Variants in RNF212 observed in about 807,000 individuals in gnomAD.
The protein encoded by RNF212 is ring finger protein 212, also known as probable E3 SUMO-protein ligase RNF212.
Under a neutral mutation model 34.7 loss-of-function variants are expected in RNF212, and 33 were observed. The observed-to-expected ratio is 0.95, with a 90% CI of 0.72 to 1.27. The LOEUF (loss-of-function observed/expected upper bound fraction) is 1.27. Ranked by LOEUF, RNF212 falls within the 50% of genes most tolerant of loss-of-function variation. The pLI, the probability that RNF212 is intolerant of heterozygous loss-of-function variation, is 0.00. For missense variants in RNF212, 377 were observed against 362.2 expected (o/e 1.04, Z -0.33); for synonymous variants, 140 against 136.1 (o/e 1.03, Z -0.20).
intron 8 of RNF212, among the ~76,000 whole-genome samples, chr4:1,079,055 A>AGGACCAACATG (rs1719865271): frequency 6.6e-6 from 1 of 151,606 alleles, no homozygotes; most frequent in Non-Finnish European, 1.5e-5. Context: ...GAGTCAACAC[A>AGGACCAACATG]GGACCAACAT....
intron 5 of RNF212, 73 bp downstream of exon 5, chr4:1,085,823 G>A: frequency 1.0e-6 from 1 of 995,492 alleles, no homozygotes; most frequent in Non-Finnish European, 1.6e-6. Context: ...TCTTGATCTT[G>A]GAGAGCCAGA....
intron 3 of RNF212, among the ~76,000 whole-genome samples, chr4:1,060,848 T>C (rs4690214): frequency 0.81 from 123,458 of 152,214 alleles, 50,788 homozygotes; most frequent in African/African-American, 0.94. Flanking sequence ...AACGCACAGA[T>C]GGCCCGCCTG....
In RNF212 at chr4:1,065,906, T is replaced by C. The variant is rs571628536; in HGVS notation, n.148-7513A>G. Among the ~76,000 whole-genome samples, 5 of 147,578 alleles carry C rather than the reference T, an allele frequency of 3.4e-5. No individual in the cohort carries two copies. The East Asian group carries it at 9.7e-4, about 29-fold the overall frequency. On this transcript the variant is annotated intron_variant and non_coding_transcript_variant, in intron 3 of 4. Transcript: ENST00000503206. ...GTTTTTGTTTTTAAGAGACAGGATC[T>C]TACTCTGTCGTCCAGGCTGGAGTGC... is the stretch of plus-strand genomic sequence containing the variant.
intron 8 of RNF212, among the ~76,000 whole-genome samples, chr4:1,077,717 G>C (rs1196203810): frequency 6.6e-6 from 1 of 152,224 alleles, no homozygotes; most frequent in Non-Finnish European, 1.5e-5. Flanking sequence ...TCTGGCCTTG[G>C]GGGAGCCAAA....
At chr4:1,091,399 G>A (rs1722165154) in intron 3 of RNF212, among the ~76,000 whole-genome samples, 1 of 152,202 alleles carries the variant, frequency 6.6e-6, no homozygotes, top group African/African-American at 2.4e-5. Context: ...AGAGAGTCCT[G>A]TGATTTCCTC....
At chr4:1,088,806 G>C (rs757026058) in intron 4 of RNF212, among the ~76,000 whole-genome samples, 12 of 152,230 alleles carry the variant, frequency 7.9e-5, no homozygotes, top group Non-Finnish European at 1.8e-4. Context: ...GGTACAATTT[G>C]GGCTGCTGCT....
rs1257509333 is a variant in RNF212 at position 1,078,955 on chromosome 4, CAGGACCAACAT to C, written c.510+677_510+687del. 4.9e-5 allele frequency among the ~76,000 whole-genome samples: 7 copies of C among 142,560 alleles called. No individual in the cohort carries two copies. In the East Asian group the frequency reaches 1.1e-3, roughly 23 times the overall value. The allele number at this position is 142,560 out of a possible 152,430, so 93.5% of individuals were successfully genotyped here. On this transcript the variant is annotated intron_variant, in intron 8 of 9. Coordinates refer to ENST00000433731, the MANE Select transcript of RNF212 (RefSeq NM_001131034.4). ...ACACAGGGTCAACACAGGACCAACACAGGACCAACATAGGACCAACACAGGGTCAACACAGG... is the reference window on the plus strand; with the variant it reads ...ACACAGGGTCAACACAGGACCAACACAGGACCAACACAGGGTCAACACAGG...
intron 2 of RNF212, among the ~76,000 whole-genome samples, chr4:1,103,613 C>T (rs1191182631): frequency 1.0e-5 from 1 of 98,932 alleles, no homozygotes; most frequent in Non-Finnish European, 2.7e-5. Flanking sequence ...AAATGCAACT[C>T]ACCACATTAA....
Position 1,111,363 on chromosome 4 carries a change from C to A in RNF212, c.109+1993G>T, listed in dbSNP as rs1015370519. On this transcript the variant is annotated intron_variant, in intron 1 of 9. Transcript: ENST00000433731. ...TTCCTGGCTGTCTTGAGTTCCAGAC[C>A]CACATGTGCAACTGCCTCTTGTCTT... Among the ~76,000 whole-genome samples the A allele has an allele frequency of 8.9e-4, 136 of 152,092 alleles. 3 individuals are homozygous for A. Among genetic ancestry groups the A allele is most frequent in the Non-Finnish European group, 1.8e-4 (12 of 68,014 alleles).
chr4:1,113,251 C>T (rs566080086), intron 1 of RNF212, 105 bp downstream of exon 1: 2 of 180,640 alleles, frequency 1.1e-5, no homozygotes, highest in South Asian at 1.5e-4. Context: ...CGCAGCCCCC[C>T]ACGTGCCCCC....
chr4:1,074,787 T>C (rs1042005642), intron 8 of RNF212, among the ~76,000 whole-genome samples: 6 of 152,174 alleles, frequency 3.9e-5, no homozygotes, highest in African/African-American at 1.4e-4. Context: ...CAGGAGCTTT[T>C]GTCTCTGTAC....
At chr4:1,081,972 C>A (rs1030911183) in intron 5 of RNF212, 3 of 309,350 alleles carry the variant, frequency 9.7e-6, no homozygotes, top group Non-Finnish European at 1.9e-5. Context: ...ACTAAGAGGC[C>A]AGCCATGGTG....
At chr4:1,064,027 A>G (rs1423094232) in intron 3 of RNF212, among the ~76,000 whole-genome samples, 1 of 152,154 alleles carries the variant, frequency 6.6e-6, no homozygotes, top group Admixed American at 6.6e-5. Flanking sequence ...ATATGGAAAA[A>G]AAAAATGAAG....
At chr4:1,078,051 C>T (rs1299320132) in intron 8 of RNF212, among the ~76,000 whole-genome samples, 1 of 152,118 alleles carries the variant, frequency 6.6e-6, no homozygotes, top group Non-Finnish European at 1.5e-5. Context: ...ATTCTGACTC[C>T]GGGTCCCTCC....
Position 1,081,587 on chromosome 4 carries a change from G to C in RNF212, c.395C>G (p.Thr132Arg). Residue 132 changes from threonine to arginine, a missense_variant, in exon 6 of 10, where the codon ACA (threonine) becomes AGA (arginine). Transcript: ENST00000433731. ...MRSSQQTAFS[T>R]IKSSVSTKPH... is the part of the protein sequence containing the mutation. ...CTTACTTGAAACTGAACTTTTTATTGTGCTGAAAGCTGTTTGTTGTGATGA... is the reference window on the plus strand; with the variant it reads ...CTTACTTGAAACTGAACTTTTTATTCTGCTGAAAGCTGTTTGTTGTGATGA... The C allele has an allele frequency of 6.2e-7, 1 of 1,610,964 alleles. No homozygotes were observed. The highest frequency in any genetic ancestry group is 2.2e-5 in the East Asian group (1 of 44,866).
rs753010173 is a variant in RNF212 at position 1,073,117 on chromosome 4, GAC to G, written c.649_650del (p.Val217HisfsTer34). On this transcript the variant is annotated frameshift_variant, in exon 10 of 10. Coordinates refer to ENST00000433731, the MANE Select transcript of RNF212 (RefSeq NM_001131034.4). LOFTEE classifies it low-confidence loss of function (END_TRUNC). ...LSKPPVPGEC[V>X]ISRGSPCFCI... ...AGAAACATGGTGAACCTCTGGAAAT[GAC>G]ACACTCTCCGGGCACAGGGGGCTTA... 37 of 1,614,084 alleles carry G rather than the reference GAC, an allele frequency of 2.3e-5. No homozygotes were observed. Among genetic ancestry groups the G allele is most frequent in the Middle Eastern group, 1.6e-4 (1 of 6,084 alleles).
chr4:1,057,240 G>A (rs61735730), intron 4 of RNF212, among the ~76,000 whole-genome samples: 1 of 152,168 alleles, frequency 6.6e-6, no homozygotes, highest in African/African-American at 2.4e-5. Context: ...CGGGAGGTGG[G>A]GGCGTGAGAG....
At chr4:1,099,899 G>A (rs760013821) in intron 2 of RNF212, 4 of 456,092 alleles carry the variant, frequency 8.8e-6, no homozygotes, top group South Asian at 4.6e-5. Context: ...TGCTGTTGGT[G>A]ACTCGCTGTC....
chr4:1,056,910 C>T (rs976505060), intron 4 of RNF212: 6 of 988,018 alleles, frequency 6.1e-6, no homozygotes, highest in South Asian at 9.4e-5. Context: ...TGGGAGCCCC[C>T]GAAGCTTGGA....
Sources: allele counts gnomAD v4.1 joint callset (sites outside exome capture counted in the v4.1 genomes callset), GRCh38; gene constraint gnomAD v4.1.1; transcripts MANE v1.5; gene names NCBI Gene and HGNC (gene_info 2026-07-23, HGNC 2026-07-21).